The following PCDH15 variants were observed in gnomAD, a reference collection of about 807,000 sequenced individuals.
The protein encoded by PCDH15 is protocadherin related 15, also known as protocadherin-15.
PCDH15 carries 129 observed loss-of-function variants against 178.5 expected under a neutral mutation model. The observed-to-expected ratio is 0.72, with a 90% CI of 0.63 to 0.84. The LOEUF is 0.84. PCDH15 is among the 40% of genes least tolerant of loss of function. PCDH15 has a pLI of 0.00. For missense variants in PCDH15, 2,230 were observed against 2,099.9 expected (o/e 1.06, Z -1.21); for synonymous variants, 800 against 732.0 (o/e 1.09, Z -1.50).
At chr10:54,719,333 A>T (rs1486196586) in intron 1 of PCDH15, among the ~76,000 whole-genome samples, 1 of 152,112 alleles carries the variant, frequency 6.6e-6, no homozygotes, top group East Asian at 1.9e-4. Flanking sequence ...GAGTTTTTTT[A>T]AAAACTTAAC....
intron 25 of PCDH15, among the ~76,000 whole-genome samples, chr10:53,936,170 T>G (rs1004044436): frequency 6.6e-6 from 1 of 152,166 alleles, no homozygotes; most frequent in Non-Finnish European, 1.5e-5. Flanking sequence ...TAAAAGAGCG[T>G]AGTGGTGAAG....
intron 3 of PCDH15, among the ~76,000 whole-genome samples, chr10:54,487,337 C>T (rs2079180912): frequency 1.3e-5 from 2 of 151,884 alleles, no homozygotes; most frequent in Admixed American, 6.6e-5. Context: ...AATGGAGACT[C>T]AGAAGGGTGA....
chr10:54,112,869 G>A (rs1252660339), intron 15 of PCDH15, among the ~76,000 whole-genome samples: 3 of 152,154 alleles, frequency 2.0e-5, no homozygotes, highest in African/African-American at 7.2e-5. Flanking sequence ...GAAGTCTCAT[G>A]GATGTTTGAA....
At chr10:55,110,279 T>A (rs1837466898) in intron 2 of PCDH15, among the ~76,000 whole-genome samples, 1 of 152,038 alleles carries the variant, frequency 6.6e-6, no homozygotes, top group Admixed American at 6.6e-5. Flanking sequence ...CAGGGGTTTG[T>A]GAAGTTTTAA....
At chr10:54,990,445 A>C (rs1275912785) in intron 2 of PCDH15, among the ~76,000 whole-genome samples, 1 of 152,198 alleles carries the variant, frequency 6.6e-6, no homozygotes, top group Admixed American at 6.5e-5. Context: ...ACTAAGTAGG[A>C]GTTATTAGAC....
intron 13 of PCDH15, 102 bp from the exon 14 acceptor site, chr10:54,153,395 C>A (rs1194515814): frequency 1.5e-6 from 2 of 1,307,836 alleles, no homozygotes; most frequent in Non-Finnish European, 2.2e-6. Flanking sequence ...AAGAAAAAAA[C>A]ACAGGAAAGT....
At chr10:54,986,825 T>G (rs2131911333) in intron 2 of PCDH15, among the ~76,000 whole-genome samples, 1 of 152,294 alleles carries the variant, frequency 6.6e-6, no homozygotes, top group South Asian at 2.1e-4. Context: ...ATCAGGAAAT[T>G]TACATAGTAA....
chr10:55,162,469 A>G (rs1326754548), intron 2 of PCDH15, among the ~76,000 whole-genome samples: 2 of 152,190 alleles, frequency 1.3e-5, no homozygotes, highest in Non-Finnish European at 2.9e-5. Context: ...AAATGGTAAC[A>G]GGGAGAAAAT....
chr10:54,191,751 CAAAAA>C (rs10564694), intron 11 of PCDH15, among the ~76,000 whole-genome samples: 4 of 130,378 alleles, frequency 3.1e-5, no homozygotes, highest in African/African-American at 7.9e-5. Flanking sequence ...ACAAAAAATG[CAAAAA>C]AAAAAAAAAA....
At chr10:54,578,094 T>G (rs2133738794) in intron 2 of PCDH15, among the ~76,000 whole-genome samples, 1 of 152,246 alleles carries the variant, frequency 6.6e-6, no homozygotes, top group African/African-American at 2.4e-5. Flanking sequence ...TAATGCAAAA[T>G]AAAATTATCT....
At chr10:54,212,008 A>G (rs2051493045) in intron 10 of PCDH15, among the ~76,000 whole-genome samples, 1 of 151,994 alleles carries the variant, frequency 6.6e-6, no homozygotes, top group African/African-American at 2.4e-5. Flanking sequence ...TCTGTGGCCT[A>G]TTGTAATTGA....
chr10:54,964,004 A>C (rs1838719395), intron 2 of PCDH15, among the ~76,000 whole-genome samples: 1 of 152,172 alleles, frequency 6.6e-6, no homozygotes, highest in African/African-American at 2.4e-5. Flanking sequence ...GGAAAAAAGA[A>C]TTAGGGACAG....
At chr10:55,397,054 G>A (rs771981654) in intron 2 of PCDH15, among the ~76,000 whole-genome samples, 4 of 152,078 alleles carry the variant, frequency 2.6e-5, no homozygotes, top group Non-Finnish European at 4.4e-5. Flanking sequence ...TTCCTATTAC[G>A]AACCAGTTAT....
chr10:54,887,613 A>G (rs1040270176), intron 3 of PCDH15, among the ~76,000 whole-genome samples: 6 of 152,128 alleles, frequency 3.9e-5, no homozygotes, highest in Admixed American at 2.0e-4. Context: ...ATGAGAATAA[A>G]TTATAAACTA....
At chr10:53,940,397 A>G (rs918599979) in intron 24 of PCDH15, among the ~76,000 whole-genome samples, 1 of 152,162 alleles carries the variant, frequency 6.6e-6, no homozygotes, top group Non-Finnish European at 1.5e-5. Context: ...AGCTTTTAAC[A>G]TGGATGTGAC....
chr10:55,544,321 C>T (rs890852166), intron 2 of PCDH15, among the ~76,000 whole-genome samples: 2 of 151,260 alleles, frequency 1.3e-5, no homozygotes, highest in Non-Finnish European at 3.0e-5. Flanking sequence ...GTAATTTTGA[C>T]TTTTCTGACA....
At chr10:54,669,242 TA>T (rs1471752262) in intron 1 of PCDH15, among the ~76,000 whole-genome samples, 3 of 152,054 alleles carry the variant, frequency 2.0e-5, no homozygotes, top group Non-Finnish European at 4.4e-5. Flanking sequence ...GTTCCTTTTT[TA>T]AAATGTGTAA....
intron 1 of PCDH15, among the ~76,000 whole-genome samples, chr10:55,169,270 G>A (rs1252484720): frequency 6.6e-6 from 1 of 152,126 alleles, no homozygotes; most frequent in Non-Finnish European, 1.5e-5. Context: ...ATTGCACAGT[G>A]TATATATATT....
chr10:54,932,620 G>A (rs1164382975), intron 2 of PCDH15, among the ~76,000 whole-genome samples: 1 of 152,062 alleles, frequency 6.6e-6, no homozygotes, highest in African/African-American at 2.4e-5. Flanking sequence ...GTGCCATCTA[G>A]GCTCACTGCA....
Sources: allele counts gnomAD v4.1 joint callset (sites outside exome capture counted in the v4.1 genomes callset), GRCh38; gene constraint gnomAD v4.1.1; transcripts MANE v1.5; gene names NCBI Gene and HGNC (gene_info 2026-07-23, HGNC 2026-07-21).